Variants in ITIH2 observed in about 807,000 individuals in gnomAD.
ITIH2 encodes inter-alpha-trypsin inhibitor heavy chain H2.
Under a neutral mutation model 104.4 loss-of-function variants are expected in ITIH2, and 103 were observed. The ratio of observed to expected loss-of-function variants is 0.99; its 90% CI spans 0.84 to 1.16. The LOEUF (loss-of-function observed/expected upper bound fraction) is 1.16, where lower values mean the gene tolerates loss of function less well. Among genes scored for constraint, ITIH2 ranks in the 50% most tolerant of loss-of-function variants. The pLI is 0.00. For missense variants in ITIH2, 1,108 were observed against 1,162.4 expected, an observed-to-expected ratio of 0.95 and a Z score of 0.68; for synonymous variants, 436 against 435.4, an observed-to-expected ratio of 1.00 and a Z score of -0.02.
chr10:7,745,025 T>C (rs1365233415), intron 19 of ITIH2, 62 bp downstream of exon 19: 3 of 1,445,542 alleles, frequency 2.1e-6, no homozygotes, highest in East Asian at 4.5e-5. Context: ...GCAGCTTTGG[T>C]TGACAGTGGT....
chr10:7,733,053 T>C (rs1588458274), intron 14 of ITIH2, among the ~76,000 whole-genome samples: 1 of 151,850 alleles, frequency 6.6e-6, no homozygotes, highest in Non-Finnish European at 1.5e-5. Flanking sequence ...AAGTGCACCA[T>C]TCAATGGATT....
intron 4 of ITIH2, among the ~76,000 whole-genome samples, chr10:7,712,693 A>G (rs1834807442): frequency 6.6e-6 from 1 of 152,216 alleles, no homozygotes; most frequent in African/African-American, 2.4e-5. Flanking sequence ...CTATCCAATC[A>G]ATAAAGGAAG....
In ITIH2 at chr10:7,744,147, T is replaced by C. The variant is rs1391086542; in HGVS notation, c.2275T>C (p.Phe759Leu). The C allele has an allele frequency of 6.2e-7, 1 of 1,614,012 alleles. No homozygotes were observed. The highest frequency in any genetic ancestry group is 1.3e-5 in the African/African-American group (1 of 74,900). Residue 759 changes from phenylalanine (F) to leucine (L), a missense_variant, in exon 18 of 21, where the codon TTT (phenylalanine) becomes CTT (leucine). By Grantham distance (22) the Phe-to-Leu change is conservative. Coordinates refer to ENST00000358415, the MANE Select transcript of ITIH2 (RefSeq NM_002216.3). ...KPNNGKLSTYFGKLGFYFQSE... is the reference protein window; with the variant it reads ...KPNNGKLSTYLGKLGFYFQSE... ...CAACAATGGAAAACTAAGCACCTAT[T>C]TTGGAAAACTGGGATTTTATTTCCA...
At chr10:7,710,485 G>A (rs1345490194) in intron 4 of ITIH2, among the ~76,000 whole-genome samples, 1 of 152,122 alleles carries the variant, frequency 6.6e-6, no homozygotes, top group Non-Finnish European at 1.5e-5. Context: ...TCCCTCTTAA[G>A]TTGCCAAGAA....
chr10:7,729,457 G>A (rs1305615524), intron 11 of ITIH2, among the ~76,000 whole-genome samples: 1 of 152,086 alleles, frequency 6.6e-6, no homozygotes, highest in African/African-American at 2.4e-5. Context: ...ATGCATGCCT[G>A]TATACTATAT....
In ITIH2 at chr10:7,732,557, AAG is replaced by A; in HGVS notation, c.1787+83_1787+84del. On this transcript the variant is annotated intron_variant, in intron 14 of 20. Coordinates refer to ENST00000358415, the MANE Select transcript of ITIH2 (RefSeq NM_002216.3). The stretch of plus-strand genomic sequence containing the variant: ...GTGAATATATGAAGTCATACACAAA[AAG>A]AGTTTGGAAGCAAGAAAGACAGCAC... 4.1e-6 allele frequency: 6 copies of A among 1,465,716 alleles called. No homozygotes were observed. In the South Asian group the frequency reaches 6.1e-5, roughly 15 times the overall value. The allele number at this position is 1,465,716 out of a possible 1,614,324, so 90.8% of individuals were successfully genotyped here. A position where few individuals can be genotyped will look rare whatever the true frequency, so the allele number is the denominator to read the frequency against.
At chr10:7,719,783 A>AAT (rs141353250) in intron 6 of ITIH2, among the ~76,000 whole-genome samples, 31 of 127,314 alleles carry the variant, frequency 2.4e-4, no homozygotes, top group Middle Eastern at 4.2e-3. Flanking sequence ...AAAAAAAAAA[A>AAT]GAAAGAAAGA....
At position 7,730,073 on chromosome 10, in the gene ITIH2, T is replaced by G; in HGVS notation, c.1401T>G (p.Asn467Lys). The part of the protein sequence containing the change: ...VDYDFLKRLS[N>K]ENHGIAQRIY... ...ATGATTTTTTGAAGAGACTGTCCAA[T>G]GAAAACCATGGAATTGCACAAAGGA... Residue 467 changes from asparagine to lysine, a missense_variant, in exon 12 of 21, where the codon AAT becomes AAG. Asn to Lys is a moderately conservative substitution (Grantham distance 94). Transcript: ENST00000358415. 6.2e-7 allele frequency: 1 copy of G among 1,613,432 alleles called. No homozygotes were observed. Among genetic ancestry groups the G allele is most frequent in the Non-Finnish European group, 8.5e-7 (1 of 1,179,546 alleles).
In ITIH2 at chr10:7,735,105, C is replaced by T; in HGVS notation, c.1957+14C>T. The T allele has an allele frequency of 6.3e-7, 1 of 1,594,548 alleles. No individual in the cohort carries two copies. The highest frequency in any genetic ancestry group is 8.5e-7 in the Non-Finnish European group (1 of 1,174,038). On this transcript the variant is annotated intron_variant, in intron 15 of 20. Coordinates refer to ENST00000358415, the MANE Select transcript of ITIH2 (RefSeq NM_002216.3). ...CCTGCTGCTCAGGTCAGGGCTGCAC[C>T]TGTGGGGACAAGTGGCCAGGCAGCT...
At chr10:7,736,714 G>GA (rs1835058945) in intron 15 of ITIH2, among the ~76,000 whole-genome samples, 1 of 152,076 alleles carries the variant, frequency 6.6e-6, no homozygotes, top group African/African-American at 2.4e-5. Flanking sequence ...CTCTTACTGG[G>GA]AAAAATGTGA....
chr10:7,718,604 G>A (rs924954214), intron 6 of ITIH2, among the ~76,000 whole-genome samples: 1 of 152,066 alleles, frequency 6.6e-6, no homozygotes, highest in African/African-American at 2.4e-5. Flanking sequence ...CAGGGGTTGG[G>A]TGTACAGATG....
intron 6 of ITIH2, among the ~76,000 whole-genome samples, chr10:7,719,647 C>G (rs890604473): frequency 6.6e-6 from 1 of 150,792 alleles, no homozygotes. Flanking sequence ...TGTAGTCCCA[C>G]CCACTTGGGA....
At chr10:7,717,281 TC>T (rs1360784143) in intron 5 of ITIH2, among the ~76,000 whole-genome samples, 1 of 152,138 alleles carries the variant, frequency 6.6e-6, no homozygotes, top group African/African-American at 2.4e-5. Context: ...ATCTGAAAAG[TC>T]AGGGTAATGA....
chr10:7,724,728 G>A (rs963357358), intron 9 of ITIH2, among the ~76,000 whole-genome samples: 1 of 152,008 alleles, frequency 6.6e-6, no homozygotes, highest in Non-Finnish European at 1.5e-5. Flanking sequence ...ATTCCTTGTT[G>A]TAGGAGGGCT....
At position 7,743,234 on chromosome 10, in the gene ITIH2, C is replaced by T; in HGVS notation, c.2184C>T (p.Leu728=). The T allele has an allele frequency of 1.3e-6, 2 of 1,585,660 alleles. No homozygotes were observed. Among genetic ancestry groups the T allele is most frequent in the East Asian group, 2.3e-5 (1 of 44,092 alleles). Residue 728 remains leucine, a synonymous_variant, in exon 17 of 21, where the codon CTC becomes CTT. Coordinates refer to ENST00000358415, the MANE Select transcript of ITIH2 (RefSeq NM_002216.3). ...FNIDSEPGKI[L]NLVSDPESGI... ...TTGACTCAGAACCTGGAAAAATCCT[C>T]AACCTGGTTTCTGACCCAGAATCAG...
Position 7,749,267 on chromosome 10 carries a change from G to T in ITIH2, c.2774G>T (p.Gly925Val), listed in dbSNP as rs371895834. ...TGGTTTGTGCACAACAGTGGAAAAGGATTCATTGACGGGCATTACAAGGAT... is the reference window on the plus strand; with the variant it reads ...TGGTTTGTGCACAACAGTGGAAAAGTATTCATTGACGGGCATTACAAGGAT... ...TCWFVHNSGK[G>V]FIDGHYKDYF... The change falls in exon 21 of 21, where the codon GGA becomes GTA. Residue 925 changes from glycine to valine, a missense_variant. Physicochemically the swap from Gly to Val is moderately radical, Grantham distance 109. Transcript: ENST00000358415. 162 of 1,614,012 alleles carry T rather than the reference G, an allele frequency of 1.0e-4. No homozygotes were observed. The highest frequency in any genetic ancestry group is 1.2e-4 in the Non-Finnish European group (146 of 1,179,992).
chr10:7,717,935 G>C, intron 6 of ITIH2, 147 bp downstream of exon 6: 1 of 760,864 alleles, frequency 1.3e-6, no homozygotes, highest in South Asian at 2.2e-5. Context: ...AAGATGGTGG[G>C]TTTGGAGTCA....
At chr10:7,733,204 C>A (rs1048762261) in intron 14 of ITIH2, among the ~76,000 whole-genome samples, 11 of 152,270 alleles carry the variant, frequency 7.2e-5, no homozygotes, top group African/African-American at 2.6e-4. Flanking sequence ...CTAAATTTCA[C>A]ATAATCATGC....
intron 6 of ITIH2, 36 bp downstream of exon 6, chr10:7,717,824 T>C (rs770186753): frequency 1.9e-6 from 3 of 1,581,828 alleles, no homozygotes; most frequent in Non-Finnish European, 2.6e-6. Context: ...AGTGACACTG[T>C]CCTTTTATAG....
Sources: gnomAD v4.1 joint callset for allele counts (sites outside exome capture counted in the v4.1 genomes callset) on GRCh38, gnomAD v4.1.1 for gene constraint, MANE v1.5 for transcripts, NCBI Gene and HGNC (gene_info 2026-07-23, HGNC 2026-07-21) for gene names.